Variants in CAMSAP2 observed in about 807,000 individuals in gnomAD.
CAMSAP2 encodes calmodulin-regulated spectrin-associated protein 2.
In CAMSAP2, 26 loss-of-function variants were observed where a neutral mutation model predicts 146.1. The observed-to-expected ratio is 0.18, with a 90% CI of 0.13 to 0.25. The LOEUF is 0.25. Among genes scored for constraint, CAMSAP2 ranks in the 10% least tolerant of loss-of-function variants. The pLI, the probability that CAMSAP2 is intolerant of heterozygous loss-of-function variation, is 1.00. For missense variants in CAMSAP2, 1,381 were observed against 1,759.3 expected (o/e 0.78, Z 3.85); for synonymous variants, 499 against 596.6 (o/e 0.84, Z 2.38).
chr1:200,789,155 A>G (rs2103029677), intron 2 of CAMSAP2, among the ~76,000 whole-genome samples: 1 of 152,098 alleles, frequency 6.6e-6, no homozygotes, highest in East Asian at 1.9e-4. Context: ...TTCTCTTGAC[A>G]CCCTTCCGCA....
Position 200,793,685 on chromosome 1 carries a change from G to T in CAMSAP2, c.400-13691G>T, listed in dbSNP as rs527766917. ...ATTTGCTTTGAAAACCCACTTGAAG[G>T]CATTTTATTCTTAAGGCTTTTTTTT... On this transcript the variant is annotated intron_variant, in intron 2 of 16. Coordinates refer to ENST00000358823, the MANE Select transcript of CAMSAP2 (RefSeq NM_203459.4). 2.6e-5 allele frequency among the ~76,000 whole-genome samples: 4 copies of T among 151,668 alleles called. No homozygotes were observed. In the East Asian group the frequency reaches 7.7e-4, roughly 29 times the overall value.
At chr1:200,798,031 A>G (rs1665933423) in intron 2 of CAMSAP2, among the ~76,000 whole-genome samples, 1 of 151,324 alleles carries the variant, frequency 6.6e-6, no homozygotes. Flanking sequence ...ATTGATCTAT[A>G]TCTCTGTTTT....
rs143827144 is a variant in CAMSAP2 at position 200,791,527 on chromosome 1, C to G, written c.400-15849C>G. Among the ~76,000 whole-genome samples, 520 of 152,262 alleles carry G rather than the reference C, an allele frequency of 3.4e-3. 5 individuals carry two copies. The highest frequency in any genetic ancestry group is 0.012 in the African/African-American group (505 of 41,546). On this transcript the variant is annotated intron_variant, in intron 2 of 16. Transcript: ENST00000358823. ...CCACACACAGGTCACCGATGAGGCT[C>G]TGAGGCTTTGTTCATTTTTTTAAGG... is the stretch of plus-strand genomic sequence containing the variant.
intron 6 of CAMSAP2, among the ~76,000 whole-genome samples, chr1:200,838,105 A>G (rs1558202387): frequency 6.6e-6 from 1 of 152,290 alleles, no homozygotes; most frequent in East Asian, 1.9e-4. Flanking sequence ...GAACTCAGAA[A>G]GACATAATCT....
At chr1:200,775,977 T>A (rs771731842) in intron 2 of CAMSAP2, among the ~76,000 whole-genome samples, 3 of 151,094 alleles carry the variant, frequency 2.0e-5, no homozygotes, top group Admixed American at 1.3e-4. Flanking sequence ...CTTTCAAGGA[T>A]CTTTAAAAAC....
At chr1:200,759,392 T>C (rs551518824) in intron 1 of CAMSAP2, among the ~76,000 whole-genome samples, 10 of 151,768 alleles carry the variant, frequency 6.6e-5, no homozygotes, top group Admixed American at 2.0e-4. Flanking sequence ...AATTCTACTG[T>C]CTCAACCTCC....
intron 1 of CAMSAP2, among the ~76,000 whole-genome samples, chr1:200,757,001 T>C (rs961141604): frequency 5.3e-5 from 8 of 152,240 alleles, no homozygotes; most frequent in Non-Finnish European, 1.0e-4. Context: ...TAATTACTGG[T>C]ACTATGAAGT....
chr1:200,848,858 C>A lies in CAMSAP2; in HGVS notation c.2089C>A (p.Leu697Met). ...TSFAEQKFRK[L>M]NHTDGKSSGS... ...CTTTGCTGAACAAAAATTCAGGAAACTGAATCATACCGATGGAAAAAGTAG... is the reference window on the plus strand; with the variant it reads ...CTTTGCTGAACAAAAATTCAGGAAAATGAATCATACCGATGGAAAAAGTAG... Residue 697 changes from leucine (L) to methionine (M), a missense_variant, in exon 11 of 17, where the codon CTG becomes ATG. This residue lies in a region of CAMSAP2 where 447 missense variants were observed against 462.2 expected (regional missense o/e 0.97). Coordinates refer to ENST00000358823, the MANE Select transcript of CAMSAP2 (RefSeq NM_203459.4). 1 of 1,614,142 alleles carries A rather than the reference C, an allele frequency of 6.2e-7. No homozygotes were observed. Among genetic ancestry groups the A allele is most frequent in the Non-Finnish European group, 8.5e-7 (1 of 1,180,010 alleles).
intron 15 of CAMSAP2, 98 bp downstream of exon 15, chr1:200,856,223 T>G (rs1225990041): frequency 1.3e-6 from 1 of 769,138 alleles, no homozygotes; most frequent in Non-Finnish European, 2.2e-6. Flanking sequence ...CTTTGGGTCT[T>G]AAACATAGGC....
intron 4 of CAMSAP2, among the ~76,000 whole-genome samples, chr1:200,817,325 A>G (rs1433170293): frequency 1.4e-5 from 2 of 147,512 alleles, no homozygotes; most frequent in African/African-American, 4.9e-5. Flanking sequence ...TTCTGTGAAG[A>G]AAGAAGAAAC....
At chr1:200,780,845 G>C (rs1481418349) in intron 2 of CAMSAP2, among the ~76,000 whole-genome samples, 1 of 152,220 alleles carries the variant, frequency 6.6e-6, no homozygotes, top group East Asian at 1.9e-4. Flanking sequence ...GCTACTTAAC[G>C]AGGTGGATAT....
chr1:200,817,187 C>CATATAAGTGTGTGTAT (rs1558192103), intron 4 of CAMSAP2, among the ~76,000 whole-genome samples: 1 of 71,614 alleles, frequency 1.4e-5, no homozygotes, highest in Non-Finnish European at 2.4e-5. Context: ...TACACACACA[C>CATATAAGTGTGTGTAT]ACATGTGTGT....
chr1:200,766,807 T>G (rs927321496), intron 2 of CAMSAP2, among the ~76,000 whole-genome samples: 2 of 152,220 alleles, frequency 1.3e-5, no homozygotes, highest in Non-Finnish European at 2.9e-5. Flanking sequence ...GTGTGCCACC[T>G]GGAACTCTGC....
rs71281172 is a variant in CAMSAP2, at chr1:200,836,081, C to CT, written c.927+3247dup. ...ACCACAGCTTTGACTTCATTTGAAT[C>CT]TTTTTTTTTTTAATTCAATCTTATT... On this transcript the variant is annotated intron_variant, in intron 6 of 16. Coordinates refer to ENST00000358823, the MANE Select transcript of CAMSAP2 (RefSeq NM_203459.4). Among the ~76,000 whole-genome samples, 856 of 134,918 alleles carry CT rather than the reference C, an allele frequency of 6.3e-3. 6 individuals carry two copies. The highest frequency in any genetic ancestry group is 0.02 in the African/African-American group (690 of 35,252). The allele number at this position is 134,918 out of a possible 152,430, so 88.5% of individuals were successfully genotyped here. A position where few individuals can be genotyped will look rare whatever the true frequency, so the allele number is the denominator to read the frequency against.
At chr1:200,806,943 G>T (rs528102530) in intron 2 of CAMSAP2, among the ~76,000 whole-genome samples, 1 of 152,158 alleles carries the variant, frequency 6.6e-6, no homozygotes, top group South Asian at 2.1e-4. Context: ...GAAATGTTTG[G>T]GTCTGAATTG....
At position 200,746,953 on chromosome 1, in the gene CAMSAP2, A is replaced by ACT. The variant is rs1317749600; in HGVS notation, c.139+6987_139+6988insCT. On this transcript the variant is annotated intron_variant, in intron 1 of 16. Coordinates refer to ENST00000358823, the MANE Select transcript of CAMSAP2 (RefSeq NM_203459.4). The stretch of plus-strand genomic sequence containing the variant: ...TTTTTTTAAGGTCTCACTGTCACCC[A>ACT]GGCTGAGTGCAGTCATGTGATCAAA... Among the ~76,000 whole-genome samples the ACT allele has an allele frequency of 1.5e-4, 23 of 152,090 alleles. 1 individual carries two copies. The highest frequency in any genetic ancestry group is 5.5e-4 in the African/African-American group (23 of 41,488).
At chr1:200,854,971 G>C in intron 14 of CAMSAP2, 82 bp downstream of exon 14, 2 of 1,048,044 alleles carry the variant, frequency 1.9e-6, no homozygotes, top group Non-Finnish European at 2.8e-6. Context: ...AAATTCTTCA[G>C]TGTTTTTACA....
intron 4 of CAMSAP2, among the ~76,000 whole-genome samples, chr1:200,827,466 G>A (rs1281644226): frequency 1.3e-5 from 2 of 152,088 alleles, no homozygotes; most frequent in Admixed American, 6.6e-5. Flanking sequence ...TCCTGCTCTT[G>A]TACTTTTTGT....
At chr1:200,755,776 A>G (rs1438509342) in intron 1 of CAMSAP2, among the ~76,000 whole-genome samples, 1 of 152,222 alleles carries the variant, frequency 6.6e-6, no homozygotes, top group African/African-American at 2.4e-5. Context: ...GCTCTCCTTC[A>G]GGTACCTTAT....
Sources: gnomAD v4.1 joint callset for allele counts (sites outside exome capture counted in the v4.1 genomes callset) on GRCh38, gnomAD v4.1.1 for gene constraint, gnomAD v4.1.1 regional missense constraint, MANE v1.5 for transcripts, NCBI Gene and HGNC (gene_info 2026-07-23, HGNC 2026-07-21) for gene names.